Variants in DNAH5 observed in about 807,000 individuals in gnomAD.
The protein encoded by DNAH5 is dynein axonemal heavy chain 5.
Under a neutral mutation model 518.2 loss-of-function variants are expected in DNAH5, and 372 were observed. That is an observed-to-expected ratio of 0.72 (90% CI 0.66 to 0.78). The LOEUF (loss-of-function observed/expected upper bound fraction) is 0.78, where lower values mean the gene tolerates loss of function less well. DNAH5 is among the 30% of genes least tolerant of loss of function. The pLI is 0.00. For missense variants in DNAH5, 5,523 were observed against 5,687.0 expected (o/e 0.97, Z 0.93); for synonymous variants, 2,039 against 2,025.9 (o/e 1.01, Z -0.17).
At chr5:13,771,909 A>G (rs1753395653) in intron 55 of DNAH5, among the ~76,000 whole-genome samples, 1 of 152,226 alleles carries the variant, frequency 6.6e-6, no homozygotes, top group Non-Finnish European at 1.5e-5. Context: ...ACTTATCACC[A>G]TCAGTACCCA....
chr5:13,905,516 T>A (rs146377053), intron 12 of DNAH5, among the ~76,000 whole-genome samples: 1 of 152,204 alleles, frequency 6.6e-6, no homozygotes, highest in Non-Finnish European at 1.5e-5. Context: ...TCTGCAGTTA[T>A]GTTATAGCAA....
chr5:13,776,758 T>A lies in DNAH5; in HGVS notation c.9106-52A>T, dbSNP rs1484346403. On this transcript the variant is annotated intron_variant, in intron 54 of 78. Transcript: ENST00000265104. Reference sequence around the variant, plus strand: ...TTCAGTACACACATAGGAAAATAGATCAAAATGTAGAGCTTAATACACAGA... The same window carrying A: ...TTCAGTACACACATAGGAAAATAGAACAAAATGTAGAGCTTAATACACAGA... 3.8e-6 allele frequency: 6 copies of A among 1,591,386 alleles called. No individual in the cohort carries two copies. In the South Asian group the frequency reaches 6.6e-5, roughly 18 times the overall value.
intron 29 of DNAH5, among the ~76,000 whole-genome samples, chr5:13,862,110 T>C (rs1041961863): frequency 1.3e-5 from 2 of 152,140 alleles, no homozygotes; most frequent in African/African-American, 2.4e-5. Context: ...TTCAAAATAA[T>C]GTTCCTCCTG....
chr5:13,766,224 A>G (rs1752503063), intron 58 of DNAH5, 45 bp from the exon 59 acceptor site: 3 of 1,604,750 alleles, frequency 1.9e-6, no homozygotes, highest in Non-Finnish European at 2.6e-6. Context: ...ATAGGAAAGC[A>G]CAGACAAGCA....
chr5:13,770,349 G>C (rs1398200853), intron 56 of DNAH5, among the ~76,000 whole-genome samples: 7 of 152,160 alleles, frequency 4.6e-5, no homozygotes, highest in Non-Finnish European at 1.0e-4. Flanking sequence ...AGAGGGAAGA[G>C]GGGATGTCTG....
At position 13,809,169 on chromosome 5, in the gene DNAH5, T is replaced by G. The variant is rs1171063185; in HGVS notation, c.7627A>C (p.Asn2543His). The change falls in exon 46 of 79, where the codon AAC (asparagine) becomes CAC (histidine). Residue 2543 changes from asparagine (N) to histidine (H), a missense_variant. Transcript: ENST00000265104. ...VAPDGTWTHW[N>H]TRTQEYLYPS... ...TACAGGTATTCCTGGGTACGCGTGT[T>G]CCAGTGCGTCCATGTACCTAAGGTG... The G allele has an allele frequency of 6.2e-7, 1 of 1,614,156 alleles. No individual in the cohort carries two copies. Among genetic ancestry groups the G allele is most frequent in the East Asian group, 2.2e-5 (1 of 44,880 alleles).
chr5:13,986,729 G>T (rs985927478), intron 1 of DNAH5, among the ~76,000 whole-genome samples: 2 of 152,104 alleles, frequency 1.3e-5, no homozygotes, highest in Admixed American at 1.3e-4. Context: ...CCCTTTCACT[G>T]CTTTAGTAGG....
chr5:13,775,972 CAAA>C (rs369053509), intron 55 of DNAH5, among the ~76,000 whole-genome samples: 9 of 106,598 alleles, frequency 8.4e-5, no homozygotes, highest in Admixed American at 2.0e-4. Flanking sequence ...CAAAAGCTTT[CAAA>C]AAAAAAAAAA....
intron 75 of DNAH5, among the ~76,000 whole-genome samples, chr5:13,712,543 G>A (rs1330772677): frequency 6.6e-6 from 1 of 152,156 alleles, no homozygotes; most frequent in Non-Finnish European, 1.5e-5. Context: ...AACCCACAGA[G>A]TGGGAGAAAA....
intron 32 of DNAH5, 54 bp from the exon 33 acceptor site, chr5:13,841,958 A>C: frequency 8.8e-7 from 1 of 1,130,724 alleles, no homozygotes; most frequent in Non-Finnish European, 1.3e-6. Flanking sequence ...TATAAAAAGT[A>C]AAAACTAATT....
intron 35 of DNAH5, among the ~76,000 whole-genome samples, chr5:13,831,227 G>A (rs187907080): frequency 6.6e-6 from 1 of 152,290 alleles, no homozygotes; most frequent in Admixed American, 6.5e-5. Context: ...GCCATTTGAT[G>A]TAGTTGGGAT....
At chr5:13,701,241 G>A in intron 77 of DNAH5, 43 bp downstream of exon 77, 2 of 1,613,314 alleles carry the variant, frequency 1.2e-6, no homozygotes, top group Non-Finnish European at 1.7e-6. Flanking sequence ...ATCCTGTGGA[G>A]GAAAATTATA....
At position 13,810,469 on chromosome 5, in the gene DNAH5, G is replaced by A. The variant is rs1009463035; in HGVS notation, c.7408-209C>T. ...AAACATAATAGGGTTGGCCGGGCAC[G>A]GTGGCTCATGCCTGTACTCCCACCA... On this transcript the variant is annotated intron_variant, in intron 44 of 78. Transcript: ENST00000265104. 3.4e-5 allele frequency: 21 copies of A among 611,610 alleles called. 1 individual carries two copies. The highest frequency in any genetic ancestry group is 9.9e-5 in the Admixed American group (4 of 40,212). 37.9% of individuals were successfully genotyped at this position (611,610 alleles called of 1,614,324 possible).
intron 12 of DNAH5, among the ~76,000 whole-genome samples, chr5:13,910,449 G>T (rs1211393320): frequency 1.3e-5 from 2 of 152,152 alleles, no homozygotes; most frequent in African/African-American, 4.8e-5. Flanking sequence ...CACTGAACTC[G>T]CTCCTCCCAA....
At chr5:13,881,665 T>C (rs531261888) in intron 21 of DNAH5, among the ~76,000 whole-genome samples, 3 of 152,106 alleles carry the variant, frequency 2.0e-5, no homozygotes, top group Non-Finnish European at 4.4e-5. Context: ...TCAAAATTTA[T>C]TGGATGCAGC....
At chr5:13,873,873 A>G (rs1205172537) in intron 22 of DNAH5, among the ~76,000 whole-genome samples, 2 of 152,138 alleles carry the variant, frequency 1.3e-5, no homozygotes, top group African/African-American at 2.4e-5. Flanking sequence ...ATGATTTCAG[A>G]GTTACATCTG....
At position 13,776,552 on chromosome 5, in the gene DNAH5, C is replaced by T; in HGVS notation, c.9260G>A (p.Cys3087Tyr). ...AAATTTCTCCCCCACTGGCGAGAAG[C>T]AGAGCACAATATGAAGGTTCTGTCG... ...RVRQNLHIVLCFSPVGEKFRN... is the reference protein window; with the variant it reads ...RVRQNLHIVLYFSPVGEKFRN... The change falls in exon 55 of 79, where the codon TGC (cysteine) becomes TAC (tyrosine). Residue 3087 changes from cysteine to tyrosine, a missense_variant. Cys to Tyr is a radical substitution (Grantham distance 194, BLOSUM62 -2). This residue lies in a region of DNAH5 where 5,121 missense variants were observed against 5,223.3 expected (regional missense o/e 0.98). Transcript: ENST00000265104. The T allele has an allele frequency of 1.2e-6, 2 of 1,613,918 alleles. No homozygotes were observed. Among genetic ancestry groups the T allele is most frequent in the Non-Finnish European group, 1.7e-6 (2 of 1,179,880 alleles).
intron 70 of DNAH5, among the ~76,000 whole-genome samples, chr5:13,724,650 G>T (rs561733806): frequency 6.6e-6 from 1 of 152,286 alleles, no homozygotes; most frequent in South Asian, 2.1e-4. Context: ...ATGAAAGTGG[G>T]GCCTGGTGGG....
chr5:13,882,697 G>T, intron 21 of DNAH5, 31 bp downstream of exon 21: 1 of 1,504,302 alleles, frequency 6.6e-7, no homozygotes, highest in Non-Finnish European at 9.2e-7. Flanking sequence ...GATTTACAAT[G>T]CCTCTTTTAA....
Sources: allele counts gnomAD v4.1 joint callset (sites outside exome capture counted in the v4.1 genomes callset), GRCh38; gene constraint gnomAD v4.1.1; regional missense constraint gnomAD v4.1.1; transcripts MANE v1.5; gene names NCBI Gene and HGNC (gene_info 2026-07-23, HGNC 2026-07-21).